Variants in UST observed in about 807,000 individuals in gnomAD.
UST encodes the protein chondroitin sulfate 2-O-sulfotransferase.
Under a neutral mutation model 45.6 loss-of-function variants are expected in UST, and 21 were observed. The observed-to-expected ratio is 0.46, with a 90% CI of 0.33 to 0.66. The LOEUF (loss-of-function observed/expected upper bound fraction) is 0.66, where lower values mean the gene tolerates loss of function less well. Among genes scored for constraint, UST ranks in the 30% least tolerant of loss-of-function variants. The probability of loss-of-function intolerance (pLI) is 0.02; values close to 1 mark genes in which losing one functional copy is unlikely to be tolerated. For missense variants in UST, 463 were observed against 512.4 expected (o/e 0.90, Z 0.93); for synonymous variants, 215 against 200.6 (o/e 1.07, Z -0.61).
At chr6:148,951,689 C>T (rs1425742102) in intron 3 of UST, among the ~76,000 whole-genome samples, 4 of 152,130 alleles carry the variant, frequency 2.6e-5, no homozygotes, top group Admixed American at 6.5e-5. Flanking sequence ...GACTGCTTGT[C>T]GCCAAAAACA....
rs1464801460 is a variant in UST, at chr6:148,934,363, G to A, written c.292-6916G>A. On this transcript the variant is annotated intron_variant, in intron 2 of 7. Transcript: ENST00000367463. The surrounding 1 kb of genome is among the most constrained non-coding windows in gnomAD (Gnocchi z 4.1). ...TGGAGTTGCTGAAAAATCATGAACTGCAGTTTTATTCGTCAAGCAAAGTCA... is the reference window on the plus strand; with the variant it reads ...TGGAGTTGCTGAAAAATCATGAACTACAGTTTTATTCGTCAAGCAAAGTCA... 2.6e-5 allele frequency among the ~76,000 whole-genome samples: 4 copies of A among 152,166 alleles called. No individual in the cohort carries two copies. Among genetic ancestry groups the A allele is most frequent in the Non-Finnish European group, 5.9e-5 (4 of 68,016 alleles).
chr6:148,873,864 T>C (rs1253080643), intron 1 of UST, among the ~76,000 whole-genome samples: 1 of 152,242 alleles, frequency 6.6e-6, no homozygotes, highest in Non-Finnish European at 1.5e-5. Context: ...AGCCTTGTCT[T>C]GTTTTCTTTC....
intron 7 of UST, among the ~76,000 whole-genome samples, chr6:149,054,292 A>T (rs1245630795): frequency 6.6e-6 from 1 of 152,212 alleles, no homozygotes; most frequent in Non-Finnish European, 1.5e-5. Flanking sequence ...AAACTCAAGA[A>T]GTGATGAGTA....
chr6:148,876,506 A>G (rs1003921752), intron 1 of UST, among the ~76,000 whole-genome samples: 4 of 152,142 alleles, frequency 2.6e-5, no homozygotes, highest in African/African-American at 9.7e-5. Context: ...GGCAGGTCTG[A>G]GATTTGAACC....
At chr6:149,007,530 C>T (rs1173961652) in intron 5 of UST, among the ~76,000 whole-genome samples, 3 of 150,642 alleles carry the variant, frequency 2.0e-5, no homozygotes, top group Non-Finnish European at 4.4e-5. Flanking sequence ...CCTCATGATC[C>T]GCCCGTCTCG....
intron 1 of UST, among the ~76,000 whole-genome samples, chr6:148,875,008 G>A (rs1352214971): frequency 1.3e-5 from 2 of 152,234 alleles, no homozygotes; most frequent in South Asian, 4.1e-4. Context: ...TAGGTAACCG[G>A]AATCCTGTGG....
chr6:148,861,471 T>A (rs966498711), intron 1 of UST, among the ~76,000 whole-genome samples: 1 of 152,276 alleles, frequency 6.6e-6, no homozygotes. Context: ...TTGATTTTTT[T>A]AAGGTTTTTT....
Position 148,924,427 on chromosome 6 carries a change from C to T in UST, c.292-16852C>T, listed in dbSNP as rs573107952. 2.6e-5 allele frequency among the ~76,000 whole-genome samples: 4 copies of T among 152,242 alleles called. No individual in the cohort carries two copies. The South Asian group carries it at 6.2e-4, about 24-fold the overall frequency. ...AGCAGCTTCTCCATCACTGCATCCT[C>T]GGGCACACAGTAGGAAGTTAGCAGC... On this transcript the variant is annotated intron_variant, in intron 2 of 7. Coordinates refer to ENST00000367463, the MANE Select transcript of UST (RefSeq NM_005715.3).
At chr6:148,804,535 GCAC>G (rs1226879010) in intron 1 of UST, among the ~76,000 whole-genome samples, 1 of 152,144 alleles carries the variant, frequency 6.6e-6, no homozygotes, top group African/African-American at 2.4e-5. Flanking sequence ...TAAACAGCCT[GCAC>G]CATGTACGTG....
chr6:148,851,852 G>T (rs1275272049), intron 1 of UST, among the ~76,000 whole-genome samples: 2 of 152,210 alleles, frequency 1.3e-5, no homozygotes, highest in Non-Finnish European at 2.9e-5. Flanking sequence ...CAACTTAGAG[G>T]GCAAGTGCCG....
At chr6:148,976,563 A>G (rs1278445181) in intron 5 of UST, among the ~76,000 whole-genome samples, 1 of 152,170 alleles carries the variant, frequency 6.6e-6, no homozygotes, top group Non-Finnish European at 1.5e-5. Context: ...ACACCATGTC[A>G]TCATACGTTT....
At chr6:148,987,193 G>C (rs187038359) in intron 5 of UST, among the ~76,000 whole-genome samples, 1 of 152,138 alleles carries the variant, frequency 6.6e-6, no homozygotes, top group Non-Finnish European at 1.5e-5. Flanking sequence ...TTAATTACTT[G>C]CCTCCCTGGC....
At chr6:148,804,396 G>T (rs957085282) in intron 1 of UST, among the ~76,000 whole-genome samples, 1 of 152,160 alleles carries the variant, frequency 6.6e-6, no homozygotes, top group Admixed American at 6.5e-5. Flanking sequence ...TGTGTGAGGG[G>T]GGGTCATGGG....
At chr6:148,855,093 C>G (rs1003453628) in intron 1 of UST, among the ~76,000 whole-genome samples, 1 of 152,092 alleles carries the variant, frequency 6.6e-6, no homozygotes, top group Non-Finnish European at 1.5e-5. Flanking sequence ...TCTCGCGAGA[C>G]GTATTCACTA....
intron 2 of UST, among the ~76,000 whole-genome samples, chr6:148,928,725 G>C (rs1277261444): frequency 6.6e-6 from 1 of 152,208 alleles, no homozygotes. Context: ...AGGTATACTT[G>C]TGAAAAGCCC....
chr6:148,926,005 T>C (rs1779807655), intron 2 of UST, among the ~76,000 whole-genome samples: 1 of 152,226 alleles, frequency 6.6e-6, no homozygotes, highest in African/African-American at 2.4e-5. Flanking sequence ...AATATATTTA[T>C]AACAAACATT....
At chr6:148,965,515 G>C (rs12212812) in intron 5 of UST, among the ~76,000 whole-genome samples, 8 of 152,120 alleles carry the variant, frequency 5.3e-5, no homozygotes, top group Non-Finnish European at 1.0e-4. Context: ...CTGATGTGCC[G>C]TCAGCAGCAG....
intron 2 of UST, among the ~76,000 whole-genome samples, chr6:148,917,081 G>A (rs534722843): frequency 2.2e-4 from 34 of 152,322 alleles, no homozygotes; most frequent in African/African-American, 8.2e-4. Flanking sequence ...GGAGGGGAGG[G>A]GTCCTAGGCA....
At chr6:148,983,854 G>A (rs1781185139) in intron 5 of UST, among the ~76,000 whole-genome samples, 1 of 152,156 alleles carries the variant, frequency 6.6e-6, no homozygotes, top group Non-Finnish European at 1.5e-5. Flanking sequence ...TAGTCTTCAA[G>A]GTGACCAAAT....
Sources: allele counts gnomAD v4.1 joint callset (sites outside exome capture counted in the v4.1 genomes callset), GRCh38; gene constraint gnomAD v4.1.1; non-coding constraint Gnocchi (gnomAD v3.1); transcripts MANE v1.5; gene names NCBI Gene and HGNC (gene_info 2026-07-23, HGNC 2026-07-21).